DNAH1: variants seen among roughly 807,000 people sequenced by gnomAD.
DNAH1 encodes the protein axonemal beta dynein heavy chain 1.
DNAH1 carries 327 observed loss-of-function variants against 484.3 expected under a neutral mutation model. That is an observed-to-expected ratio of 0.68 (90% CI 0.62 to 0.74). DNAH1 has a LOEUF of 0.74. Among genes scored for constraint, DNAH1 ranks in the 30% least tolerant of loss-of-function variants. The probability of loss-of-function intolerance (pLI) is 0.00; values close to 1 mark genes in which losing one functional copy is unlikely to be tolerated. For synonymous variants in DNAH1, 2,192 were observed against 2,191.9 expected (o/e 1.00, Z 0.00); for missense variants, 5,052 against 5,546.8 (o/e 0.91, Z 2.83).
At position 52,370,138 on chromosome 3, in the gene DNAH1, T is replaced by C; in HGVS notation, c.6167T>C (p.Val2056Ala). The C allele has an allele frequency of 6.2e-7, 1 of 1,613,964 alleles. No homozygotes were observed. Among genetic ancestry groups the C allele is most frequent in the Non-Finnish European group, 8.5e-7 (1 of 1,179,880 alleles). The change falls in exon 39 of 78, where the codon GTG becomes GCG. Residue 2056 changes from valine to alanine, a missense_variant. Around this residue, in one of 4 missense-constraint regions of DNAH1, gnomAD observed 2,929 missense variants for 3,409.4 expected, o/e 0.86. Transcript: ENST00000420323. ...TCCATCTCCTTCGTTCGGTCCTCAGTGAAGGAGGTGATCGCCTCAACCAAC... is the reference window on the plus strand; with the variant it reads ...TCCATCTCCTTCGTTCGGTCCTCAGCGAAGGAGGTGATCGCCTCAACCAAC... Reference protein sequence around the residue: ...EESISFVRSSVKEVIASTNCN... With the variant: ...EESISFVRSSAKEVIASTNCN...
At chr3:52,349,965 C>T (rs756348929) in intron 14 of DNAH1, 24 bp from the exon 15 acceptor site, 1 of 1,589,686 alleles carries the variant, frequency 6.3e-7, no homozygotes, top group Admixed American at 1.8e-5. Flanking sequence ...TGCTGCCCTC[C>T]CCAGCGCCTC....
Position 52,331,137 on chromosome 3 carries a change from T to C in DNAH1, c.872-11T>C, listed in dbSNP as rs1295325483. ...CGGGGGGCACTGGTGGAGTTTCTCC[T>C]CCTGTTTCAGAGGACCCCAAGAGTC... On this transcript the variant is annotated splice_polypyrimidine_tract_variant and intron_variant, in intron 6 of 77. Coordinates refer to ENST00000420323, the MANE Select transcript of DNAH1 (RefSeq NM_015512.5). The C allele has an allele frequency of 6.3e-7, 1 of 1,579,668 alleles. No homozygotes were observed. The highest frequency in any genetic ancestry group is 1.8e-5 in the Admixed American group (1 of 54,388).
intron 8 of DNAH1, among the ~76,000 whole-genome samples, chr3:52,334,194 G>C (rs924020481): frequency 1.3e-5 from 2 of 152,166 alleles, no homozygotes; most frequent in African/African-American, 4.8e-5. Flanking sequence ...TACAGGCTGT[G>C]ATTACTGAAT....
chr3:52,395,304 G>A lies in DNAH1; in HGVS notation c.10969-4G>A. The A allele has an allele frequency of 6.2e-7, 1 of 1,612,892 alleles. No individual in the cohort carries two copies. The highest frequency in any genetic ancestry group is 8.5e-7 in the Non-Finnish European group (1 of 1,179,488). On this transcript the variant is annotated splice_region_variant and splice_polypyrimidine_tract_variant and intron_variant, in intron 68 of 77. Coordinates refer to ENST00000420323, the MANE Select transcript of DNAH1 (RefSeq NM_015512.5). The surrounding 1 kb of genome is among the most constrained non-coding windows in gnomAD (Gnocchi z 4.4). ...GGTCTCAGCATCTCCCCCTGCCCTT[G>A]CAGACAGCCAATCTGTCAGTGGTGT...
Position 52,395,499 on chromosome 3 carries a change from T to C in DNAH1, c.11127+33T>C. On this transcript the variant is annotated intron_variant, in intron 69 of 77. Coordinates refer to ENST00000420323, the MANE Select transcript of DNAH1 (RefSeq NM_015512.5). This position sits in a 1 kb window ranked among gnomAD's most constrained non-coding sequence, Gnocchi z 4.4. ...CTAGGCAGGGAGGAAGGGAGTGGGC[T>C]GGGGGGTGGGCAAGCTGGCCCCCTG... is the stretch of plus-strand genomic sequence containing the variant. The C allele has an allele frequency of 6.2e-7, 1 of 1,613,262 alleles. No homozygotes were observed. The highest frequency in any genetic ancestry group is 8.5e-7 in the Non-Finnish European group (1 of 1,179,564).
intron 8 of DNAH1, among the ~76,000 whole-genome samples, chr3:52,336,608 T>A (rs753682757): frequency 1.3e-5 from 2 of 152,196 alleles, no homozygotes; most frequent in Non-Finnish European, 2.9e-5. Context: ...TTAATTTTTG[T>A]TTCTGGTGAA....
chr3:52,320,679 G>T (rs1405227764), intron 1 of DNAH1, among the ~76,000 whole-genome samples: 2 of 152,150 alleles, frequency 1.3e-5, no homozygotes, highest in African/African-American at 4.8e-5. Context: ...CAAGCTCTTG[G>T]CTCTTTGTCT....
chr3:52,336,264 A>G (rs1040010607), intron 8 of DNAH1, among the ~76,000 whole-genome samples: 3 of 152,132 alleles, frequency 2.0e-5, no homozygotes, highest in Admixed American at 6.5e-5. Context: ...TAAATCTTTA[A>G]TCCTGGCTGG....
At position 52,391,261 on chromosome 3, in the gene DNAH1, A is replaced by G; in HGVS notation, c.9824A>G (p.Lys3275Arg). 6.2e-7 allele frequency: 1 copy of G among 1,613,680 alleles called. No individual in the cohort carries two copies. Residue 3275 changes from lysine to arginine, a missense_variant, in exon 62 of 78, where the codon AAG becomes AGG. Coordinates refer to ENST00000420323, the MANE Select transcript of DNAH1 (RefSeq NM_015512.5). ...RSMENAIRFG[K>R]PCLLENVGEE... Reference sequence around the variant, plus strand: ...ATGGAGAACGCCATCCGCTTTGGCAAGCCATGTCTCCTGGAGAACGTGGGC... The same window carrying G: ...ATGGAGAACGCCATCCGCTTTGGCAGGCCATGTCTCCTGGAGAACGTGGGC...
Position 52,362,804 on chromosome 3 carries a change from G to A in DNAH1, c.5095-191G>A, listed in dbSNP as rs761673178. On this transcript the variant is annotated intron_variant, in intron 31 of 77. Transcript: ENST00000420323. The surrounding 1 kb of genome is among the most constrained non-coding windows in gnomAD (Gnocchi z 5.1). Reference sequence around the variant, plus strand: ...GGCATCTCCTGGGAGTCATGTGGGGGCAGGTTTGGATCAACACCAAGGATC... The same window carrying A: ...GGCATCTCCTGGGAGTCATGTGGGGACAGGTTTGGATCAACACCAAGGATC... Among the ~76,000 whole-genome samples the A allele has an allele frequency of 7.9e-5, 12 of 152,166 alleles. No individual in the cohort carries two copies. The highest frequency in any genetic ancestry group is 1.8e-4 in the Non-Finnish European group (12 of 68,014).
At chr3:52,339,838 G>C (rs190859975) in intron 8 of DNAH1, among the ~76,000 whole-genome samples, 8 of 151,624 alleles carry the variant, frequency 5.3e-5, no homozygotes, top group African/African-American at 1.7e-4. Context: ...GTGTACACAC[G>C]TGCTGGGGAG....
At chr3:52,322,330 A>G in intron 1 of DNAH1, 79 bp from the exon 2 acceptor site, 1 of 967,494 alleles carries the variant, frequency 1.0e-6, no homozygotes, top group Non-Finnish European at 1.5e-6. Flanking sequence ...TGTGGCAGGC[A>G]GGCAATCTAG....
rs769504391 is a variant in DNAH1, at chr3:52,360,333, C to T, written c.4594C>T (p.Leu1532=). The change falls in exon 28 of 78, where the codon CTG becomes TTG. Residue 1532 remains leucine (L), a synonymous_variant. Transcript: ENST00000420323. ...CAGGTACTACTGGACAAATAATGAC[C>T]TGTATATCCGTGCTGTGAATGCTGA... ...QLRYYWTNND[L]YIRAVNAEFI... 1 of 1,613,910 alleles carries T rather than the reference C, an allele frequency of 6.2e-7. No individual in the cohort carries two copies. Among genetic ancestry groups the T allele is most frequent in the East Asian group, 2.2e-5 (1 of 44,884 alleles).
chr3:52,351,140 G>A lies in DNAH1; in HGVS notation c.2729+550G>A, dbSNP rs151038971. Reference sequence around the variant, plus strand: ...GCTAGGATTATAGGCGTGAGCCACCGCGCCCAGCCTGACACACGTATTTTA... The same window carrying A: ...GCTAGGATTATAGGCGTGAGCCACCACGCCCAGCCTGACACACGTATTTTA... On this transcript the variant is annotated intron_variant, in intron 16 of 77. Coordinates refer to ENST00000420323, the MANE Select transcript of DNAH1 (RefSeq NM_015512.5). 5.1e-3 allele frequency among the ~76,000 whole-genome samples: 781 copies of A among 152,322 alleles called. 5 individuals are homozygous for A. Among genetic ancestry groups the A allele is most frequent in the African/African-American group, 0.017 (715 of 41,578 alleles).
At chr3:52,366,040 C>G (rs1050705293) in intron 34 of DNAH1, among the ~76,000 whole-genome samples, 4 of 152,228 alleles carry the variant, frequency 2.6e-5, no homozygotes, top group African/African-American at 9.6e-5. Context: ...TGCCTGCTGG[C>G]AGCTGCCTCT....
In DNAH1 at chr3:52,388,928, C is replaced by T; in HGVS notation, c.9486C>T (p.Gly3162=). ...LVAAGFVAYL[G]PFTGQYRTVL... ...CCGCTGGCTTTGTGGCCTACCTGGG[C>T]CCCTTCACGGTAAGAAGTCCCCACC... Residue 3162 remains glycine, a synonymous_variant, in exon 59 of 78, where the codon GGC becomes GGT. Coordinates refer to ENST00000420323, the MANE Select transcript of DNAH1 (RefSeq NM_015512.5). The T allele has an allele frequency of 6.2e-7, 1 of 1,600,882 alleles. No homozygotes were observed.
At position 52,391,518 on chromosome 3, in the gene DNAH1, T is replaced by C; in HGVS notation, c.9967T>C (p.Tyr3323His). 1.2e-6 allele frequency: 2 copies of C among 1,613,686 alleles called. No homozygotes were observed. ...VIPYHEDFRMYITTKLPNPHY... is the reference protein window; with the variant it reads ...VIPYHEDFRMHITTKLPNPHY... ...CCCCTACCATGAGGACTTCAGGATG[T>C]ACATCACCACCAAGCTGCCCAACCC... The change falls in exon 63 of 78, where the codon TAC (tyrosine) becomes CAC (histidine). Residue 3323 changes from tyrosine to histidine, a missense_variant. By Grantham distance (83) the Tyr-to-His change is moderately conservative. This residue lies in a region of DNAH1 where 2,929 missense variants were observed against 3,409.4 expected (regional missense o/e 0.86). Transcript: ENST00000420323.
chr3:52,351,861 ACTGGCTGC>A, intron 16 of DNAH1, 93 bp from the exon 17 acceptor site: 1 of 1,412,670 alleles, frequency 7.1e-7, no homozygotes, highest in Non-Finnish European at 9.7e-7. Flanking sequence ...ACCCCTTCTC[ACTGGCTGC>A]CTGGGTGCCT....
chr3:52,352,205 G>A (rs1702413997), intron 17 of DNAH1, 102 bp downstream of exon 17: 1 of 1,456,276 alleles, frequency 6.9e-7, no homozygotes, highest in African/African-American at 1.4e-5. Context: ...GAGGTGCTGA[G>A]TCAACATGTG....
Sources: allele counts gnomAD v4.1 joint callset (sites outside exome capture counted in the v4.1 genomes callset), GRCh38; gene constraint gnomAD v4.1.1; regional missense constraint gnomAD v4.1.1; non-coding constraint Gnocchi (gnomAD v3.1); transcripts MANE v1.5; gene names NCBI Gene and HGNC (gene_info 2026-07-23, HGNC 2026-07-21).